Variants in KIF3A observed in about 807,000 individuals in gnomAD.
KIF3A encodes the protein kinesin-like protein KIF3A.
A neutral mutation model predicts 92.6 loss-of-function variants in KIF3A; 27 were observed. That is an observed-to-expected ratio of 0.29 (90% confidence interval 0.21 to 0.40). The LOEUF is 0.40. KIF3A is among the 10% of genes least tolerant of loss of function. The pLI, the probability that KIF3A is intolerant of heterozygous loss-of-function variation, is 1.00. For missense variants in KIF3A, 581 were observed against 872.6 expected (o/e 0.67, Z 4.21); for synonymous variants, 250 against 275.4 (o/e 0.91, Z 0.92).
chr5:132,700,746 TCTAAAATATTGAAGTCATAAAA>T (rs1372481563), intron 15 of KIF3A, 46 bp from the exon 16 acceptor site: 23 of 1,223,074 alleles, frequency 1.9e-5, no homozygotes, highest in Non-Finnish European at 2.5e-5. Flanking sequence ...TTTAATAACA[TCTAAAATATTGAAGTCATAAAA>T]CTAAAATCTT....
Position 132,716,428 on chromosome 5 carries a change from C to T in KIF3A, c.771G>A (p.Gln257=), listed in dbSNP as rs1753625426. The T allele has an allele frequency of 6.2e-7, 1 of 1,613,432 alleles. No homozygotes were observed. The highest frequency in any genetic ancestry group is 8.5e-7 in the Non-Finnish European group (1 of 1,179,724). ...GCTGTCCAGTAGCTCCAGTTTTTGC[C>T]TGTCTTTCTGAACCCTAGCAATAAA... is the stretch of plus-strand genomic sequence containing the variant. ...HLVDLAGSER[Q]AKTGATGQRL... Residue 257 remains glutamine (Q), a synonymous_variant, in exon 7 of 19, where the codon CAG becomes CAA. Coordinates refer to ENST00000403231, the MANE Select transcript of KIF3A (RefSeq NM_001300791.2).
At chr5:132,709,327 G>A (rs1753335199) in intron 9 of KIF3A, among the ~76,000 whole-genome samples, 1 of 152,086 alleles carries the variant, frequency 6.6e-6, no homozygotes, top group Non-Finnish European at 1.5e-5. Flanking sequence ...AAACTATTTA[G>A]GTTGATAAGT....
At position 132,696,778 on chromosome 5, in the gene KIF3A, T is replaced by G. The variant is rs76604954; in HGVS notation, c.2133-96A>C. Reference sequence around the variant, plus strand: ...TATAGAAACTATGGGGTGGCCTGTATAGTCTGGAAACAAGCCAAAATTTGA... The same window carrying G: ...TATAGAAACTATGGGGTGGCCTGTAGAGTCTGGAAACAAGCCAAAATTTGA... On this transcript the variant is annotated intron_variant, in intron 18 of 18. Transcript: ENST00000403231. 1.3e-3 allele frequency: 1,268 copies of G among 954,366 alleles called. 7 individuals carry two copies. The African/African-American group carries it at 0.018, about 14-fold the overall frequency. 59.1% of individuals were successfully genotyped at this position (954,366 alleles called of 1,614,324 possible).
At chr5:132,701,841 AG>A (rs1236109035) in intron 15 of KIF3A, among the ~76,000 whole-genome samples, 3 of 152,166 alleles carry the variant, frequency 2.0e-5, no homozygotes, top group African/African-American at 7.2e-5. Context: ...CGCTGAATGA[AG>A]GAATGGGACC....
At chr5:132,711,599 AAT>A (rs1294888438) in intron 8 of KIF3A, among the ~76,000 whole-genome samples, 3 of 152,048 alleles carry the variant, frequency 2.0e-5, no homozygotes, top group Non-Finnish European at 4.4e-5. Flanking sequence ...CAAAAAAAAA[AAT>A]AAAAATATTC....
At chr5:132,720,828 G>T in intron 4 of KIF3A, 114 bp from the exon 5 acceptor site, 1 of 600,496 alleles carries the variant, frequency 1.7e-6, no homozygotes, top group Non-Finnish European at 2.9e-6. Context: ...TGATAAGATA[G>T]ACACTGTTCC....
At chr5:132,691,027 G>A (rs1414830822), downstream of KIF3A, among the ~76,000 whole-genome samples, 4 of 152,190 alleles carry the variant, frequency 2.6e-5, no homozygotes, top group Middle Eastern at 3.2e-3. Flanking sequence ...GCCAGTCACA[G>A]TGCCTGGTAA....
At chr5:132,708,439 T>C (rs991428206) in intron 10 of KIF3A, among the ~76,000 whole-genome samples, 2 of 152,170 alleles carry the variant, frequency 1.3e-5, no homozygotes, top group African/African-American at 4.8e-5. Flanking sequence ...AATCTTAAGC[T>C]ACCACTAAGA....
intron 2 of KIF3A, among the ~76,000 whole-genome samples, chr5:132,728,672 G>C (rs1754121618): frequency 6.6e-6 from 1 of 152,078 alleles, no homozygotes; most frequent in Non-Finnish European, 1.5e-5. Context: ...GGGAGGCGAA[G>C]GCTGCAGTGA....
intron 2 of KIF3A, among the ~76,000 whole-genome samples, chr5:132,726,866 G>C (rs187600999): frequency 6.6e-6 from 1 of 152,316 alleles, no homozygotes; most frequent in Admixed American, 6.5e-5. Flanking sequence ...ACAGGCTCTA[G>C]AGCAGGAAGA....
intron 2 of KIF3A, among the ~76,000 whole-genome samples, chr5:132,730,398 C>G (rs1754185898): frequency 1.3e-5 from 2 of 150,160 alleles, no homozygotes; most frequent in African/African-American, 4.9e-5. Context: ...CCCGGGGAAG[C>G]AGAGGAGACA....
At chr5:132,734,569 C>A in intron 1 of KIF3A, 91 bp from the exon 2 acceptor site, 3 of 1,121,426 alleles carry the variant, frequency 2.7e-6, no homozygotes, top group Non-Finnish European at 3.7e-6. Context: ...GCTACTTTTC[C>A]AACTCAGTGC....
At chr5:132,705,229 T>G (rs1007895425) in intron 11 of KIF3A, among the ~76,000 whole-genome samples, 1 of 151,918 alleles carries the variant, frequency 6.6e-6, no homozygotes, top group African/African-American at 2.4e-5. Context: ...TCTTAGAAAT[T>G]TGAAGGAGAA....
At chr5:132,731,509 G>A (rs1035877275) in intron 2 of KIF3A, among the ~76,000 whole-genome samples, 17 of 152,020 alleles carry the variant, frequency 1.1e-4, no homozygotes, top group Admixed American at 1.1e-3. Context: ...ACCTACAAAG[G>A]ATATCTGTTA....
Position 132,694,064 on chromosome 5 carries a change from T to G in KIF3A, c.*2570A>C, listed in dbSNP as rs1314504383. 2.0e-5 allele frequency: 3 copies of G among 151,908 alleles called. No homozygotes were observed. The highest frequency in any genetic ancestry group is 2.9e-5 in the Non-Finnish European group (2 of 67,982). 9.4% of individuals were successfully genotyped at this position (151,908 alleles called of 1,614,324 possible). ...ATGGATATTTAATGTCCATCTGGTA[T>G]AATCAGTTTTAACATAATGCTTTTT... On this transcript the variant is annotated 3_prime_UTR_variant, in exon 19 of 19. Coordinates refer to ENST00000403231, the MANE Select transcript of KIF3A (RefSeq NM_001300791.2).
At chr5:132,724,792 T>A (rs1171830901) in intron 4 of KIF3A, among the ~76,000 whole-genome samples, 1,200 of 64,152 alleles carry the variant, frequency 0.019, 43 homozygotes, top group Middle Eastern at 0.023. Context: ...TAAAGTATAA[T>A]AAAAAAAAAA....
At chr5:132,725,277 G>A (rs1294782466) in intron 4 of KIF3A, among the ~76,000 whole-genome samples, 1 of 151,912 alleles carries the variant, frequency 6.6e-6, no homozygotes, top group East Asian at 1.9e-4. Flanking sequence ...GGTCCAACAA[G>A]CACAAACAAT....
chr5:132,699,332 C>T lies in KIF3A; in HGVS notation c.2008-37G>A, dbSNP rs1446687500. 14 of 1,602,390 alleles carry T rather than the reference C, an allele frequency of 8.7e-6. No homozygotes were observed. In the Admixed American group the frequency reaches 2.4e-4, roughly 28 times the overall value. ...AAACAAACACAAAGCACTCTTAAGGCAAAGAGTTAAAGCCAGATTTGGGGG... is the reference window on the plus strand; with the variant it reads ...AAACAAACACAAAGCACTCTTAAGGTAAAGAGTTAAAGCCAGATTTGGGGG... On this transcript the variant is annotated intron_variant, in intron 17 of 18. Coordinates refer to ENST00000403231, the MANE Select transcript of KIF3A (RefSeq NM_001300791.2).
chr5:132,716,882 T>C lies in KIF3A; in HGVS notation c.719A>G (p.His240Arg), dbSNP rs892605809. ...AAGATGGAGCTTCCCCATCCTGACATGCATGTTACCATCAATGCCTTTTTC... is the reference window on the plus strand; with the variant it reads ...AAGATGGAGCTTCCCCATCCTGACACGCATGTTACCATCAATGCCTTTTTC... ...CSEKGIDGNMHVRMGKLHLVD... is the reference protein window; with the variant it reads ...CSEKGIDGNMRVRMGKLHLVD... The change falls in exon 6 of 19, where the codon CAT becomes CGT. Residue 240 changes from histidine to arginine, a missense_variant. This residue lies in a region of KIF3A where 217 missense variants were observed against 299.7 expected (regional missense o/e 0.72). Coordinates refer to ENST00000403231, the MANE Select transcript of KIF3A (RefSeq NM_001300791.2). The C allele has an allele frequency of 5.6e-6, 9 of 1,614,090 alleles. No individual in the cohort carries two copies. Among genetic ancestry groups the C allele is most frequent in the Non-Finnish European group, 7.6e-6 (9 of 1,179,962 alleles).
Sources: allele counts gnomAD v4.1 joint callset (sites outside exome capture counted in the v4.1 genomes callset), GRCh38; gene constraint gnomAD v4.1.1; regional missense constraint gnomAD v4.1.1; transcripts MANE v1.5; gene names NCBI Gene and HGNC (gene_info 2026-07-23, HGNC 2026-07-21).